Variants in SNAP47 observed in about 807,000 individuals in gnomAD.
SNAP47 encodes synaptosomal-associated protein 47.
A neutral mutation model predicts 31.4 loss-of-function variants in SNAP47; 20 were observed. The observed-to-expected ratio is 0.64, with a 90% CI of 0.45 to 0.93. SNAP47 has a LOEUF of 0.93. Among genes scored for constraint, SNAP47 ranks in the 40% least tolerant of loss-of-function variants. The pLI, the probability that SNAP47 is intolerant of heterozygous loss-of-function variation, is 0.00. For synonymous variants in SNAP47, 194 were observed against 213.4 expected (o/e 0.91, Z 0.79); for missense variants, 492 against 528.5 (o/e 0.93, Z 0.68).
At chr1:227,738,924 G>A (rs959684030) in intron 1 of SNAP47, among the ~76,000 whole-genome samples, 5 of 152,178 alleles carry the variant, frequency 3.3e-5, no homozygotes, top group African/African-American at 1.2e-4. Flanking sequence ...AGGACTTGGT[G>A]GGAGATGGAG....
chr1:227,779,249 G>A (rs938237341), intron 4 of SNAP47, among the ~76,000 whole-genome samples: 13 of 152,326 alleles, frequency 8.5e-5, no homozygotes, highest in African/African-American at 2.9e-4. Flanking sequence ...GATGAAGGCC[G>A]GACCATAGGC....
upstream of SNAP47, chr1:227,730,503 CT>C (rs1452190021): frequency 6.6e-6 from 1 of 151,734 alleles, no homozygotes; most frequent in Non-Finnish European, 1.5e-5. Flanking sequence ...TCGATGCCGG[CT>C]GCAGTTCAGC....
intron 3 of SNAP47, among the ~76,000 whole-genome samples, 166 bp from the exon 4 acceptor site, chr1:227,766,793 G>A (rs1250832128): frequency 1.3e-5 from 2 of 152,152 alleles, no homozygotes; most frequent in East Asian, 1.9e-4. Flanking sequence ...CTAATCCTTC[G>A]GGGCCGGGTG....
At chr1:227,775,787 A>AG in intron 4 of SNAP47, 1 of 1,303,930 alleles carries the variant, frequency 7.7e-7, no homozygotes, top group Admixed American at 2.3e-5. Context: ...TTTGCTCTGC[A>AG]GGGCTTCCGG....
chr1:227,767,409 A>ACATGTG (rs1433412640), intron 4 of SNAP47, among the ~76,000 whole-genome samples: 1 of 152,204 alleles, frequency 6.6e-6, no homozygotes, highest in Non-Finnish European at 1.5e-5. Context: ...CCGTGCATGT[A>ACATGTG]CATGTGCATG....
chr1:227,775,766 A>AT (rs1664121559), intron 4 of SNAP47: 2 of 1,302,296 alleles, frequency 1.5e-6, no homozygotes, highest in Non-Finnish European at 2.0e-6. Context: ...AGAATGCTAA[A>AT]TTCTCTTGTT....
Position 227,747,712 on chromosome 1 carries a change from T to C in SNAP47, c.-25T>C. 6.2e-7 allele frequency: 1 copy of C among 1,604,748 alleles called. No homozygotes were observed. Among genetic ancestry groups the C allele is most frequent in the Non-Finnish European group, 8.5e-7 (1 of 1,173,046 alleles). Reference sequence around the variant, plus strand: ...TTCAGAGGCAGAAGAGGCCTGGACCTTGGCGCACACAGACCCAGGAACAGA... The same window carrying C: ...TTCAGAGGCAGAAGAGGCCTGGACCCTGGCGCACACAGACCCAGGAACAGA... On this transcript the variant is annotated 5_prime_UTR_variant, in exon 2 of 5. Coordinates refer to ENST00000617596, the MANE Select transcript of SNAP47 (RefSeq NM_053052.4).
At chr1:227,764,939 G>A (rs1267710751) in intron 3 of SNAP47, among the ~76,000 whole-genome samples, 1 of 152,184 alleles carries the variant, frequency 6.6e-6, no homozygotes, top group Non-Finnish European at 1.5e-5. Flanking sequence ...GCAGGTCGTA[G>A]TGCTGCATGC....
intron 1 of SNAP47, 42 bp from the exon 2 acceptor site, chr1:227,747,650 T>G: frequency 6.5e-7 from 1 of 1,541,970 alleles, no homozygotes; most frequent in South Asian, 1.3e-5. Flanking sequence ...GTGTCTCCAG[T>G]CCATGGGTGA....
chr1:227,777,167 A>G (rs1664211282), intron 4 of SNAP47: 2 of 790,608 alleles, frequency 2.5e-6, no homozygotes, highest in African/African-American at 1.9e-5. Flanking sequence ...CATAGACAAT[A>G]TTTTTAGGTT....
chr1:227,780,164 G>A (rs911337577), intron 4 of SNAP47, among the ~76,000 whole-genome samples: 1 of 152,174 alleles, frequency 6.6e-6, no homozygotes, highest in Non-Finnish European at 1.5e-5. Context: ...CAGGTCCCCA[G>A]CTGCCCCACT....
At chr1:227,754,926 A>G (rs1013703219) in intron 2 of SNAP47, among the ~76,000 whole-genome samples, 1 of 152,204 alleles carries the variant, frequency 6.6e-6, no homozygotes, top group Non-Finnish European at 1.5e-5. Flanking sequence ...CTTTAGTTGT[A>G]TAAACCAAAA....
intron 4 of SNAP47, among the ~76,000 whole-genome samples, chr1:227,771,365 A>G (rs999466280): frequency 1.3e-5 from 2 of 152,116 alleles, no homozygotes; most frequent in African/African-American, 4.8e-5. Flanking sequence ...CTGACACCAC[A>G]TTGCATGCAC....
chr1:227,755,036 A>G (rs1662608594), intron 2 of SNAP47, among the ~76,000 whole-genome samples: 1 of 152,112 alleles, frequency 6.6e-6, no homozygotes, highest in South Asian at 2.1e-4. Context: ...GAAAAGAAGG[A>G]GGGGGTCAGA....
chr1:227,776,400 G>A (rs1375603947), intron 4 of SNAP47: 1 of 986,654 alleles, frequency 1.0e-6, no homozygotes, highest in Non-Finnish European at 1.2e-6. Context: ...TGGCTGGAAG[G>A]AAGGCTGGTT....
chr1:227,766,825 T>C (rs1663433884), intron 3 of SNAP47, 134 bp from the exon 4 acceptor site: 1 of 1,299,588 alleles, frequency 7.7e-7, no homozygotes, highest in Non-Finnish European at 1.1e-6. Flanking sequence ...CTCACAGAGG[T>C]CGAGAGAGGA....
rs533267863 is a variant in SNAP47 at position 227,760,529 on chromosome 1, A to G, written c.988+1044A>G. Among the ~76,000 whole-genome samples the G allele has an allele frequency of 1.3e-3, 198 of 152,292 alleles. 2 individuals are homozygous for G. The highest frequency in any genetic ancestry group is 4.4e-3 in the African/African-American group (182 of 41,548). On this transcript the variant is annotated intron_variant, in intron 3 of 4. Coordinates refer to ENST00000617596, the MANE Select transcript of SNAP47 (RefSeq NM_053052.4). ...TCCTGGGGGCCGGGCTGAGGGGCAG[A>G]CACCCTGGGTCTTGGCACGTCCACC...
rs890949733 is a variant in SNAP47, at chr1:227,780,931, G to A, written c.*258G>A. ...ATGCTGCAGAAGTGTGGACCATGGCGGGACCCCAAGGACACTTGGCACAGG... is the reference window on the plus strand; with the variant it reads ...ATGCTGCAGAAGTGTGGACCATGGCAGGACCCCAAGGACACTTGGCACAGG... On this transcript the variant is annotated 3_prime_UTR_variant, in exon 5 of 5. Transcript: ENST00000617596. The A allele has an allele frequency of 1.8e-5, 9 of 512,538 alleles. No homozygotes were observed. Among genetic ancestry groups the A allele is most frequent in the South Asian group, 9.2e-5 (4 of 43,714 alleles). 31.7% of individuals were successfully genotyped at this position (512,538 alleles called of 1,614,324 possible).
upstream of SNAP47, chr1:227,731,295 C>T (rs1334650748): frequency 6.6e-6 from 1 of 152,324 alleles, no homozygotes. Context: ...AGACAGAAAC[C>T]CCTGCCCTTC....
Sources: gnomAD v4.1 joint callset for allele counts (sites outside exome capture counted in the v4.1 genomes callset) on GRCh38, gnomAD v4.1.1 for gene constraint, MANE v1.5 for transcripts, NCBI Gene and HGNC (gene_info 2026-07-23, HGNC 2026-07-21) for gene names.